PHIP: variants seen among roughly 807,000 people sequenced by gnomAD.
PHIP encodes the protein PHIP subunit of CUL4-Ring ligase complex.
Under a neutral mutation model 236.8 loss-of-function variants are expected in PHIP, and 54 were observed. That is an observed-to-expected ratio of 0.23 (90% CI 0.18 to 0.29). The LOEUF (loss-of-function observed/expected upper bound fraction) is 0.29, where lower values mean the gene tolerates loss of function less well. Ranked by LOEUF, PHIP falls within the 10% of genes least tolerant of loss-of-function variation. The probability of loss-of-function intolerance (pLI) is 1.00; values close to 1 mark genes in which losing one functional copy is unlikely to be tolerated. For synonymous variants in PHIP, 756 were observed against 718.9 expected (o/e 1.05, Z -0.83); for missense variants, 1,370 against 2,190.8 (o/e 0.63, Z 7.48).
chr6:78,943,553 C>T (rs1005856980), intron 39 of PHIP, among the ~76,000 whole-genome samples: 11 of 152,146 alleles, frequency 7.2e-5, no homozygotes, highest in African/African-American at 2.7e-4. Flanking sequence ...CACTTATTAT[C>T]TTCTGTATAA....
Position 79,075,786 on chromosome 6 carries a change from G to A in PHIP, c.189+1662C>T, listed in dbSNP as rs917281274. ...ATTCCTCAGTGACTTAAGGTTTGTG[G>A]GTTTTTAAGAGATGCACAGATGTAA... is the stretch of plus-strand genomic sequence containing the variant. On this transcript the variant is annotated intron_variant, in intron 4 of 39. Coordinates refer to ENST00000275034, the MANE Select transcript of PHIP (RefSeq NM_017934.7). Among the ~76,000 whole-genome samples the A allele has an allele frequency of 3.9e-5, 6 of 152,036 alleles. No individual in the cohort carries two copies. In the South Asian group the frequency reaches 1.2e-3, roughly 31 times the overall value.
chr6:78,993,828 A>T (rs1769428121), intron 19 of PHIP, among the ~76,000 whole-genome samples: 1 of 152,236 alleles, frequency 6.6e-6, no homozygotes, highest in Non-Finnish European at 1.5e-5. Context: ...GGGTCAAGGA[A>T]TAATTTCTAT....
chr6:79,002,217 C>CT, intron 16 of PHIP, 93 bp from the exon 17 acceptor site: 3 of 768,794 alleles, frequency 3.9e-6, no homozygotes, highest in Non-Finnish European at 6.3e-6. Flanking sequence ...AAGCAAACAC[C>CT]TGAATACGAA....
chr6:79,048,486 A>G (rs376227006), intron 6 of PHIP, among the ~76,000 whole-genome samples: 1 of 152,172 alleles, frequency 6.6e-6, no homozygotes, highest in South Asian at 2.1e-4. Context: ...TAGCAGAAAT[A>G]CCATTACCTC....
intron 4 of PHIP, among the ~76,000 whole-genome samples, chr6:79,064,511 G>C (rs1046517067): frequency 6.6e-6 from 1 of 152,100 alleles, no homozygotes; most frequent in Non-Finnish European, 1.5e-5. Context: ...CTTATCAAAA[G>C]TTCACCTTCA....
At chr6:78,982,664 A>G (rs766615686) in intron 23 of PHIP, among the ~76,000 whole-genome samples, 1 of 152,124 alleles carries the variant, frequency 6.6e-6, no homozygotes, top group Non-Finnish European at 1.5e-5. Flanking sequence ...TGTTTAGAAT[A>G]TGGCAATTTT....
chr6:78,936,433 A>G lies in PHIP; in HGVS notation c.*4260T>C, dbSNP rs1034898841. 6.6e-6 allele frequency: 1 copy of G among 151,882 alleles called. No homozygotes were observed. The highest frequency in any genetic ancestry group is 1.5e-5 in the Non-Finnish European group (1 of 67,786). The allele number at this position is 151,882 out of a possible 1,614,324, so 9.4% of individuals were successfully genotyped here. On this transcript the variant is annotated 3_prime_UTR_variant, in exon 40 of 40. Coordinates refer to ENST00000275034, the MANE Select transcript of PHIP (RefSeq NM_017934.7). The stretch of plus-strand genomic sequence containing the variant: ...TTTGTATTGTCTCATGTTATAGTCT[A>G]TCATTGTGACTAATCAACACACACA...
At chr6:78,972,353 A>T (rs1767647050) in intron 24 of PHIP, among the ~76,000 whole-genome samples, 1 of 152,226 alleles carries the variant, frequency 6.6e-6, no homozygotes, top group Admixed American at 6.5e-5. Context: ...AACAGAAAGG[A>T]CATCCACATC....
At chr6:78,941,822 G>A (rs1290135475) in intron 39 of PHIP, among the ~76,000 whole-genome samples, 1 of 152,096 alleles carries the variant, frequency 6.6e-6, no homozygotes, top group Non-Finnish European at 1.5e-5. Flanking sequence ...ATCACTATGT[G>A]TGCCACCATT....
chr6:78,996,611 G>A (rs1018233033), intron 19 of PHIP, among the ~76,000 whole-genome samples: 2 of 152,184 alleles, frequency 1.3e-5, no homozygotes, highest in Non-Finnish European at 2.9e-5. Context: ...ATAAGAAAGT[G>A]TAAATGTATA....
chr6:79,031,096 A>G (rs932291625), intron 7 of PHIP, among the ~76,000 whole-genome samples: 3 of 152,108 alleles, frequency 2.0e-5, no homozygotes, highest in African/African-American at 7.2e-5. Flanking sequence ...GGCGTCCGCC[A>G]CCACACCCAG....
At chr6:78,982,494 CTT>C (rs1031758027) in intron 23 of PHIP, among the ~76,000 whole-genome samples, 3 of 151,980 alleles carry the variant, frequency 2.0e-5, no homozygotes, top group African/African-American at 7.2e-5. Flanking sequence ...TCCTCACAGA[CTT>C]TGTTTATTTT....
chr6:78,979,380 C>T (rs765969014), intron 23 of PHIP, among the ~76,000 whole-genome samples: 11 of 152,028 alleles, frequency 7.2e-5, no homozygotes, highest in Non-Finnish European at 1.5e-4. Context: ...TTTCAAAATG[C>T]TATCAATTTT....
Position 78,935,617 on chromosome 6 carries a change from A to G in PHIP, c.*5076T>C, listed in dbSNP as rs1220730873. 1 of 980,774 alleles carries G rather than the reference A, an allele frequency of 1.0e-6. No individual in the cohort carries two copies. The highest frequency in any genetic ancestry group is 1.2e-6 in the Non-Finnish European group (1 of 825,752). The allele number at this position is 980,774 out of a possible 1,614,324, so 60.8% of individuals were successfully genotyped here. ...TTATTAAATGTACACATAAAAAGGC[A>G]TATAAGTTTTTGACCTTCAGTTGTT... On this transcript the variant is annotated 3_prime_UTR_variant, in exon 40 of 40. Transcript: ENST00000275034.
At chr6:78,941,359 T>C (rs761153480) in intron 39 of PHIP, 29 bp from the exon 40 acceptor site, 33 of 1,546,938 alleles carry the variant, frequency 2.1e-5, no homozygotes, top group Non-Finnish European at 2.6e-5. Context: ...ACACTTAATA[T>C]ATGGAGTTTC....
At chr6:79,040,582 T>C (rs1772158249) in intron 7 of PHIP, among the ~76,000 whole-genome samples, 2 of 152,132 alleles carry the variant, frequency 1.3e-5, no homozygotes, top group Non-Finnish European at 2.9e-5. Context: ...ATTCTATCTA[T>C]TTTCAAGACT....
At position 78,991,262 on chromosome 6, in the gene PHIP, A is replaced by G. The variant is rs1769223967; in HGVS notation, c.2202-277T>C. On this transcript the variant is annotated intron_variant, in intron 19 of 39. Coordinates refer to ENST00000275034, the MANE Select transcript of PHIP (RefSeq NM_017934.7). ...GCAAACCAAGTATTAGATTCTGGGA[A>G]TGTGGTGATTCCTAGGGTAATTTTT... Among the ~76,000 whole-genome samples, 5 of 152,038 alleles carry G rather than the reference A, an allele frequency of 3.3e-5. No individual in the cohort carries two copies. In the South Asian group the frequency reaches 1.0e-3, roughly 32 times the overall value.
rs939364589 is a variant in PHIP, at chr6:78,936,563, A to T, written c.*4130T>A. On this transcript the variant is annotated 3_prime_UTR_variant, in exon 40 of 40. Coordinates refer to ENST00000275034, the MANE Select transcript of PHIP (RefSeq NM_017934.7). The stretch of plus-strand genomic sequence containing the variant: ...TTGAATTGTAGAAACTCAGCCATGC[A>T]CTAAGTATTTGGTCTGTGCCATAAG... 1 of 151,892 alleles carries T rather than the reference A, an allele frequency of 6.6e-6. No individual in the cohort carries two copies. The highest frequency in any genetic ancestry group is 2.4e-5 in the African/African-American group (1 of 41,440). 9.4% of individuals were successfully genotyped at this position (151,892 alleles called of 1,614,324 possible). A position where few individuals can be genotyped will look rare whatever the true frequency, so the allele number is the denominator to read the frequency against.
intron 15 of PHIP, among the ~76,000 whole-genome samples, chr6:79,012,827 T>C (rs1244132699): frequency 6.6e-6 from 1 of 150,552 alleles, no homozygotes; most frequent in Non-Finnish European, 1.5e-5. Flanking sequence ...AACAAAAGAG[T>C]GAAGAGCAAA....
Sources: allele counts gnomAD v4.1 joint callset (sites outside exome capture counted in the v4.1 genomes callset), GRCh38; gene constraint gnomAD v4.1.1; transcripts MANE v1.5; gene names NCBI Gene and HGNC (gene_info 2026-07-23, HGNC 2026-07-21).